THNSL1: variants seen among roughly 807,000 people sequenced by gnomAD.
THNSL1 encodes the protein threonine synthase-like 1.
Under a neutral mutation model 50.4 loss-of-function variants are expected in THNSL1, and 48 were observed. The observed-to-expected ratio is 0.95, with a 90% CI of 0.76 to 1.21. The LOEUF (loss-of-function observed/expected upper bound fraction) is 1.21, where lower values mean the gene tolerates loss of function less well. Among genes scored for constraint, THNSL1 ranks in the 50% most tolerant of loss-of-function variants. THNSL1 has a pLI of 0.00. For missense variants in THNSL1, 896 were observed against 871.7 expected, an observed-to-expected ratio of 1.03 and a Z score of -0.35; for synonymous variants, 309 against 306.1, an observed-to-expected ratio of 1.01 and a Z score of -0.10.
At chr10:24,958,649 AG>A in the THNSL1 span, among the ~76,000 whole-genome samples, 1 of 152,240 alleles carries the variant, frequency 6.6e-6, no homozygotes, top group Non-Finnish European at 1.5e-5. Context: ...TCTCCAGAGT[AG>A]GTCTTACAAA....
At chr10:24,978,661 T>C in the THNSL1 span, among the ~76,000 whole-genome samples, 1 of 152,194 alleles carries the variant, frequency 6.6e-6, no homozygotes, top group African/African-American at 2.4e-5. Context: ...ATTTTTGTTT[T>C]ACTTATCATT....
the THNSL1 span, among the ~76,000 whole-genome samples, chr10:25,011,345 G>C: frequency 6.6e-6 from 1 of 151,886 alleles, no homozygotes; most frequent in Non-Finnish European, 1.5e-5. Context: ...CTGGATATTA[G>C]CCCTTTGTCA....
At chr10:25,014,189 A>G (rs1040459016), upstream of THNSL1, among the ~76,000 whole-genome samples, 2 of 152,168 alleles carry the variant, frequency 1.3e-5, no homozygotes, top group African/African-American at 2.4e-5. Flanking sequence ...ATGGTTTTCA[A>G]TGATAAATTT....
At chr10:24,995,778 A>G in the THNSL1 span, 1 of 1,613,932 alleles carries the variant, frequency 6.2e-7, no homozygotes, top group Non-Finnish European at 8.5e-7. Flanking sequence ...TTGTATTTAT[A>G]AAATTTTTTC....
chr10:25,012,389 A>G (rs528100218), upstream of THNSL1, among the ~76,000 whole-genome samples: 1 of 152,310 alleles, frequency 6.6e-6, no homozygotes, highest in South Asian at 2.1e-4. Context: ...CACTGAGAGC[A>G]TGCACCATGC....
chr10:25,019,460 T>G (rs1007530560), intron 1 of THNSL1, among the ~76,000 whole-genome samples: 1 of 151,984 alleles, frequency 6.6e-6, no homozygotes. Flanking sequence ...GGCAACAGAG[T>G]GGGAGCCTGT....
chr10:24,972,733 G>A, the THNSL1 span, among the ~76,000 whole-genome samples: 2 of 152,092 alleles, frequency 1.3e-5, no homozygotes, highest in African/African-American at 4.8e-5. Flanking sequence ...GTCCTCTTGT[G>A]TGAAAAGTTG....
chr10:24,990,248 T>G, the THNSL1 span, among the ~76,000 whole-genome samples: 1 of 152,202 alleles, frequency 6.6e-6, no homozygotes, highest in Admixed American at 6.5e-5. Flanking sequence ...TTCACCAAAT[T>G]GGAAATAAAA....
chr10:25,023,424 G>A lies in THNSL1; in HGVS notation c.201G>A (p.Gly67=), dbSNP rs1850765359. The change falls in exon 3 of 3, where the codon GGG becomes GGA. Residue 67 remains glycine (G), a synonymous_variant. Coordinates refer to ENST00000376356, the MANE Select transcript of THNSL1 (RefSeq NM_024838.5). The part of the protein sequence containing the change: ...NIILMGPPGA[G]KTTVGRIIGQ... ...TCCTGATGGGACCTCCTGGTGCTGGGAAAACAACAGTAGGCAGAATAATAG... is the reference window on the plus strand; with the variant it reads ...TCCTGATGGGACCTCCTGGTGCTGGAAAAACAACAGTAGGCAGAATAATAG... 2.5e-6 allele frequency: 4 copies of A among 1,614,116 alleles called. No homozygotes were observed. Among genetic ancestry groups the A allele is most frequent in the Non-Finnish European group, 3.4e-6 (4 of 1,180,006 alleles).
chr10:24,956,130 T>C, the THNSL1 span, among the ~76,000 whole-genome samples: 3 of 150,144 alleles, frequency 2.0e-5, no homozygotes, highest in African/African-American at 7.3e-5. Flanking sequence ...TTTCCTTTTC[T>C]TTTTTTTTCC....
the THNSL1 span, among the ~76,000 whole-genome samples, chr10:24,964,658 T>C: frequency 6.6e-6 from 1 of 152,238 alleles, no homozygotes; most frequent in African/African-American, 2.4e-5. Flanking sequence ...AAATGACTCT[T>C]GGGAGACTAA....
the THNSL1 span, among the ~76,000 whole-genome samples, chr10:24,985,185 G>T: frequency 6.6e-6 from 1 of 152,118 alleles, no homozygotes; most frequent in Non-Finnish European, 1.5e-5. Context: ...AAATGTACAC[G>T]CAGAGTTATG....
At chr10:24,971,594 G>C in the THNSL1 span, among the ~76,000 whole-genome samples, 1 of 152,338 alleles carries the variant, frequency 6.6e-6, no homozygotes, top group South Asian at 2.1e-4. Flanking sequence ...GCAATACCAA[G>C]TGTCAAGTGG....
Position 25,025,410 on chromosome 10 carries a change from C to CT in THNSL1, c.2189dup (p.Leu730PhefsTer25). On this transcript the variant is annotated frameshift_variant, in exon 3 of 3. Coordinates refer to ENST00000376356, the MANE Select transcript of THNSL1 (RefSeq NM_024838.5). LOFTEE classifies it high-confidence loss of function. ...AGGTCTGTGCAGCTGATATGAATGT[C>CT]TTGAAGAGTCATGTGGAACAACTTG... 1 of 1,612,938 alleles carries CT rather than the reference C, an allele frequency of 6.2e-7. No homozygotes were observed. Among genetic ancestry groups the CT allele is most frequent in the South Asian group, 1.1e-5 (1 of 90,618 alleles).
At chr10:24,958,823 T>G in the THNSL1 span, among the ~76,000 whole-genome samples, 5 of 152,126 alleles carry the variant, frequency 3.3e-5, no homozygotes, top group African/African-American at 1.2e-4. Context: ...TTCAGAGATA[T>G]CCTCCCACTA....
Position 25,024,528 on chromosome 10 carries a change from A to G in THNSL1, c.1305A>G (p.Ser435=), listed in dbSNP as rs751826732. 1 of 1,614,206 alleles carries G rather than the reference A, an allele frequency of 6.2e-7. No individual in the cohort carries two copies. Among genetic ancestry groups the G allele is most frequent in the Non-Finnish European group, 8.5e-7 (1 of 1,180,010 alleles). Residue 435 remains serine, a synonymous_variant, in exon 3 of 3, where the codon TCA becomes TCG. Coordinates refer to ENST00000376356, the MANE Select transcript of THNSL1 (RefSeq NM_024838.5). The part of the protein sequence containing the change: ...RENGWAVGVE[S]DFDFCQTAIK... ...ATGGATGGGCAGTGGGTGTTGAGTC[A>G]GATTTTGATTTTTGCCAGACAGCTA...
chr10:24,999,854 G>C, the THNSL1 span, among the ~76,000 whole-genome samples: 1 of 152,104 alleles, frequency 6.6e-6, no homozygotes, highest in African/African-American at 2.4e-5. Flanking sequence ...TGTGTTCTCT[G>C]TCTTTCTCTG....
At chr10:24,952,493 C>A in the THNSL1 span, 1 of 1,560,682 alleles carries the variant, frequency 6.4e-7, no homozygotes, top group Non-Finnish European at 8.7e-7. This position sits in a 1 kb window ranked among gnomAD's most constrained non-coding sequence, Gnocchi z 5.1. Context: ...GGGAGGGGAG[C>A]GGGCCGAGCC....
chr10:25,024,868 T>A lies in THNSL1; in HGVS notation c.1645T>A (p.Tyr549Asn). ...VLTDFIKTGH[Y>N]DLRERKLAQT... ...GACTGATTTTATAAAAACAGGACAT[T>A]ATGATCTAAGGGAAAGAAAACTAGC... is the stretch of plus-strand genomic sequence containing the variant. Residue 549 changes from tyrosine (Y) to asparagine (N), a missense_variant, in exon 3 of 3, where the codon TAT becomes AAT. Tyr to Asn is a moderately radical substitution (Grantham distance 143, BLOSUM62 -2). Transcript: ENST00000376356. 1 of 1,614,066 alleles carries A rather than the reference T, an allele frequency of 6.2e-7. No homozygotes were observed. Among genetic ancestry groups the A allele is most frequent in the Non-Finnish European group, 8.5e-7 (1 of 1,180,032 alleles).
Sources: gnomAD v4.1 joint callset for allele counts (sites outside exome capture counted in the v4.1 genomes callset) on GRCh38, gnomAD v4.1.1 for gene constraint, Gnocchi (gnomAD v3.1) non-coding constraint, MANE v1.5 for transcripts, NCBI Gene and HGNC (gene_info 2026-07-23, HGNC 2026-07-21) for gene names.